The following LRRTM4 variants were observed in gnomAD, a reference collection of about 807,000 sequenced individuals.
The protein encoded by LRRTM4 is leucine-rich repeat transmembrane neuronal protein 4.
LRRTM4 carries 25 observed loss-of-function variants against 47.6 expected under a neutral mutation model. The ratio of observed to expected loss-of-function variants is 0.53; its 90% CI spans 0.38 to 0.73. The LOEUF (loss-of-function observed/expected upper bound fraction) is 0.73. Ranked by LOEUF, LRRTM4 falls within the 30% of genes least tolerant of loss-of-function variation. The pLI, the probability that LRRTM4 is intolerant of heterozygous loss-of-function variation, is 0.00. For missense variants in LRRTM4, 638 were observed against 713.4 expected (o/e 0.89, Z 1.20); for synonymous variants, 311 against 269.5 (o/e 1.15, Z -1.51).
chr2:77,067,682 T>TACGTACACAC (rs1356824225), intron 3 of LRRTM4, among the ~76,000 whole-genome samples: 1 of 105,480 alleles, frequency 9.5e-6, no homozygotes, highest in East Asian at 3.9e-4. Flanking sequence ...TTTTCAAAGA[T>TACGTACACAC]ACGTACACAC....
At chr2:77,361,286 C>T (rs1672198967) in intron 3 of LRRTM4, among the ~76,000 whole-genome samples, 1 of 151,720 alleles carries the variant, frequency 6.6e-6, no homozygotes, top group South Asian at 2.1e-4. Context: ...CCTTTTGCCA[C>T]TGGTAAAAGA....
rs1403515654 is a variant in LRRTM4, at chr2:76,808,022, TTCC to T, written c.1552-59109_1552-59107del. ...GTCTCTTTTCTCTCTCCTTCCTTCC[TTCC>T]TCTTTTCTTTTCTTTCTTGTTTTGC... On this transcript the variant is annotated intron_variant, in intron 3 of 3. Coordinates refer to ENST00000409884, the MANE Select transcript of LRRTM4 (RefSeq NM_001134745.3). Among the ~76,000 whole-genome samples the T allele has an allele frequency of 2.0e-5, 3 of 150,832 alleles. No homozygotes were observed. The East Asian group carries it at 5.8e-4, about 29-fold the overall frequency.
chr2:77,414,969 G>C (rs1674582129), intron 3 of LRRTM4, among the ~76,000 whole-genome samples: 1 of 152,120 alleles, frequency 6.6e-6, no homozygotes, highest in Non-Finnish European at 1.5e-5. Context: ...AGGGAGAGAA[G>C]ATAGCCTCTA....
chr2:76,754,144 T>G (rs965655702), intron 3 of LRRTM4, among the ~76,000 whole-genome samples: 3 of 152,176 alleles, frequency 2.0e-5, no homozygotes, highest in African/African-American at 4.8e-5. Context: ...AGATAAAGAA[T>G]TCAATGCAGT....
chr2:77,050,392 T>A (rs1335755857), intron 3 of LRRTM4, among the ~76,000 whole-genome samples: 1 of 152,132 alleles, frequency 6.6e-6, no homozygotes, highest in Non-Finnish European at 1.5e-5. Context: ...TTTTGTTTGT[T>A]TTAATTTAGC....
At chr2:76,970,229 T>G (rs1676171233) in intron 3 of LRRTM4, among the ~76,000 whole-genome samples, 1 of 152,016 alleles carries the variant, frequency 6.6e-6, no homozygotes, top group African/African-American at 2.4e-5. Flanking sequence ...GGATAGAATA[T>G]TTAAAATCTC....
At chr2:77,036,729 G>C (rs1435290911) in intron 3 of LRRTM4, among the ~76,000 whole-genome samples, 1 of 151,672 alleles carries the variant, frequency 6.6e-6, no homozygotes, top group Non-Finnish European at 1.5e-5. Flanking sequence ...CTCTTGGCTA[G>C]TAAGCTGGAT....
intron 3 of LRRTM4, among the ~76,000 whole-genome samples, chr2:77,070,970 G>C (rs947136401): frequency 6.6e-6 from 1 of 152,084 alleles, no homozygotes; most frequent in African/African-American, 2.4e-5. Context: ...GTTTCTTTCA[G>C]AATATTGACA....
At chr2:77,258,188 G>C (rs747325455) in intron 3 of LRRTM4, among the ~76,000 whole-genome samples, 13 of 151,640 alleles carry the variant, frequency 8.6e-5, no homozygotes, top group Non-Finnish European at 1.9e-4. Flanking sequence ...TAAAAATAGC[G>C]ACACCACCAA....
intron 3 of LRRTM4, among the ~76,000 whole-genome samples, chr2:76,949,687 C>A (rs2103882837): frequency 6.6e-6 from 1 of 152,042 alleles, no homozygotes; most frequent in East Asian, 1.9e-4. Flanking sequence ...ATTAATGTAT[C>A]TGTAAAATGT....
rs189860816 is a variant in LRRTM4, at chr2:77,158,412, G to T, written c.1551+359906C>A. 2.8e-3 allele frequency among the ~76,000 whole-genome samples: 419 copies of T among 152,010 alleles called. 1 individual carries two copies. Among genetic ancestry groups the T allele is most frequent in the Middle Eastern group, 6.8e-3 (2 of 294 alleles). On this transcript the variant is annotated intron_variant, in intron 3 of 3. Transcript: ENST00000409884. ...GTTTGAAATTATTTTATCTTTTTGG[G>T]GAAATAAACACTTTATCAATATATT...
chr2:77,063,999 T>C (rs1679875143), intron 3 of LRRTM4, among the ~76,000 whole-genome samples: 1 of 152,148 alleles, frequency 6.6e-6, no homozygotes, highest in Non-Finnish European at 1.5e-5. Context: ...AAGTTTACTG[T>C]TAGTGTGTGC....
At chr2:76,898,159 G>A (rs1389395351) in intron 3 of LRRTM4, among the ~76,000 whole-genome samples, 1 of 151,824 alleles carries the variant, frequency 6.6e-6, no homozygotes. Context: ...TTTAAACTCT[G>A]TATGAAAATA....
At chr2:77,072,058 A>G (rs1029771494) in intron 3 of LRRTM4, among the ~76,000 whole-genome samples, 2 of 152,182 alleles carry the variant, frequency 1.3e-5, no homozygotes, top group Admixed American at 6.5e-5. Flanking sequence ...GACTAATTTG[A>G]AAATATACAT....
chr2:77,507,900 C>T (rs1362855841), intron 3 of LRRTM4, among the ~76,000 whole-genome samples: 2 of 151,966 alleles, frequency 1.3e-5, no homozygotes, highest in Non-Finnish European at 2.9e-5. Flanking sequence ...GATCAGAATA[C>T]CCTGACTCAA....
At chr2:77,287,592 G>A (rs1260278643) in intron 3 of LRRTM4, among the ~76,000 whole-genome samples, 12 of 151,966 alleles carry the variant, frequency 7.9e-5, no homozygotes. Flanking sequence ...GCCACTCTGA[G>A]TAGTGTTATG....
intron 3 of LRRTM4, among the ~76,000 whole-genome samples, chr2:77,385,650 A>T (rs1202480223): frequency 6.6e-6 from 1 of 151,734 alleles, no homozygotes; most frequent in African/African-American, 2.4e-5. Context: ...TCAAATTTTC[A>T]CACCTGTTGT....
At chr2:77,355,570 C>T (rs1289305687) in intron 3 of LRRTM4, among the ~76,000 whole-genome samples, 2 of 152,140 alleles carry the variant, frequency 1.3e-5, no homozygotes, top group Non-Finnish European at 2.9e-5. Context: ...ACAATGAAAA[C>T]ATGGATTCCA....
intron 3 of LRRTM4, among the ~76,000 whole-genome samples, chr2:76,840,411 T>C (rs1671637663): frequency 6.6e-6 from 1 of 152,242 alleles, no homozygotes; most frequent in Non-Finnish European, 1.5e-5. Flanking sequence ...TCTGAGAACA[T>C]GCCTCTTGGC....
Sources: gnomAD v4.1 joint callset for allele counts (sites outside exome capture counted in the v4.1 genomes callset) on GRCh38, gnomAD v4.1.1 for gene constraint, MANE v1.5 for transcripts, NCBI Gene and HGNC (gene_info 2026-07-23, HGNC 2026-07-21) for gene names.